ROBO2: variants seen among roughly 807,000 people sequenced by gnomAD.
The protein encoded by ROBO2 is roundabout guidance receptor 2, also known as roundabout homolog 2.
Under a neutral mutation model 160.8 loss-of-function variants are expected in ROBO2, and 53 were observed. The ratio of observed to expected loss-of-function variants is 0.33; its 90% confidence interval spans 0.26 to 0.41. The LOEUF is 0.41. Ranked by LOEUF, ROBO2 falls within the 10% of genes least tolerant of loss-of-function variation. The pLI is 1.00. For missense variants in ROBO2, 1,577 were observed against 1,722.4 expected, an observed-to-expected ratio of 0.92 and a Z score of 1.49; for synonymous variants, 664 against 611.7, an observed-to-expected ratio of 1.09 and a Z score of -1.26.
chr3:76,273,051 T>TATTTATA (rs1707672877), intron 2 of ROBO2, among the ~76,000 whole-genome samples: 1 of 103,026 alleles, frequency 9.7e-6, no homozygotes, highest in African/African-American at 3.8e-5. Context: ...ATATATTATA[T>TATTTATA]AAATATATAA....
intron 2 of ROBO2, among the ~76,000 whole-genome samples, chr3:76,567,764 TG>T (rs1247286091): frequency 1.3e-4 from 4 of 31,072 alleles, no homozygotes; most frequent in Non-Finnish European, 3.4e-4. Flanking sequence ...TATATCTGTC[TG>T]TGTGTGTGTG....
intron 2 of ROBO2, among the ~76,000 whole-genome samples, chr3:76,581,840 A>T (rs1195945736): frequency 6.6e-6 from 1 of 152,216 alleles, no homozygotes; most frequent in Admixed American, 6.5e-5. Flanking sequence ...AAATTTACAA[A>T]GTTTCATGGT....
chr3:76,349,382 T>A (rs566364700), intron 2 of ROBO2, among the ~76,000 whole-genome samples: 1 of 152,164 alleles, frequency 6.6e-6, no homozygotes, highest in African/African-American at 2.4e-5. Flanking sequence ...TTGAAGTACT[T>A]TACATATACT....
chr3:76,948,908 A>ATATATATATATATTTTTTTTTTTT (rs1209284372), intron 2 of ROBO2, among the ~76,000 whole-genome samples: 1 of 24,966 alleles, frequency 4.0e-5, no homozygotes, highest in African/African-American at 1.8e-4. Context: ...ATATATATAT[A>ATATATATATATATTTTTTTTTTTT]TTTTTTTTTT....
chr3:76,986,041 C>T (rs2060361995), intron 2 of ROBO2, among the ~76,000 whole-genome samples: 1 of 152,084 alleles, frequency 6.6e-6, no homozygotes, highest in Non-Finnish European at 1.5e-5. Context: ...TAATCAATAA[C>T]TCTGATAAGC....
chr3:76,764,842 T>G (rs2061489817), intron 2 of ROBO2, among the ~76,000 whole-genome samples: 1 of 151,720 alleles, frequency 6.6e-6, no homozygotes, highest in African/African-American at 2.4e-5. Flanking sequence ...GCAAGACTAT[T>G]TCCAACTCTA....
intron 12 of ROBO2, among the ~76,000 whole-genome samples, chr3:77,566,506 G>C (rs1582990346): frequency 6.6e-6 from 1 of 152,148 alleles, no homozygotes; most frequent in East Asian, 1.9e-4. Context: ...TCAAGAAATT[G>C]TAGTACCGTG....
At chr3:76,221,723 G>T (rs910193002) in intron 2 of ROBO2, among the ~76,000 whole-genome samples, 2 of 152,154 alleles carry the variant, frequency 1.3e-5, no homozygotes, top group African/African-American at 2.4e-5. Flanking sequence ...TGGTAAGACC[G>T]ATGGACTTCA....
At chr3:76,075,596 A>C (rs955506667) in intron 2 of ROBO2, among the ~76,000 whole-genome samples, 1 of 152,150 alleles carries the variant, frequency 6.6e-6, no homozygotes, top group Admixed American at 6.5e-5. Context: ...TACACAATGT[A>C]ATGCCTTTTT....
chr3:76,942,358 C>G (rs2078244379), intron 2 of ROBO2, among the ~76,000 whole-genome samples: 2 of 152,214 alleles, frequency 1.3e-5, no homozygotes, highest in Admixed American at 1.3e-4. Context: ...ACATGCGAAT[C>G]TAACAACCAG....
chr3:76,880,919 T>G (rs192889855), intron 2 of ROBO2, among the ~76,000 whole-genome samples: 1 of 152,328 alleles, frequency 6.6e-6, no homozygotes, highest in African/African-American at 2.4e-5. Flanking sequence ...TTGTTTATTA[T>G]TCAGCCTTTT....
intron 2 of ROBO2, among the ~76,000 whole-genome samples, chr3:76,507,825 C>T (rs1057126050): frequency 6.6e-6 from 1 of 152,104 alleles, no homozygotes; most frequent in African/African-American, 2.4e-5. Context: ...TTCTACCACT[C>T]TTCTCTAGAG....
At chr3:77,348,226 A>G (rs1265755115) in intron 2 of ROBO2, among the ~76,000 whole-genome samples, 5 of 152,130 alleles carry the variant, frequency 3.3e-5, no homozygotes, top group Non-Finnish European at 5.9e-5. Flanking sequence ...CGGCTACTCC[A>G]CAGACAGGGC....
intron 4 of ROBO2, among the ~76,000 whole-genome samples, chr3:77,483,197 C>G (rs567890874): frequency 6.6e-6 from 1 of 151,878 alleles, no homozygotes; most frequent in East Asian, 1.9e-4. Context: ...GTTATAAGTA[C>G]AAGATTAAGT....
intron 2 of ROBO2, among the ~76,000 whole-genome samples, chr3:76,224,000 A>G (rs35255725): frequency 0.16 from 23,945 of 152,164 alleles, 2,316 homozygotes; most frequent in African/African-American, 0.25. Context: ...ACTATCAGTC[A>G]CTGCTTTGCA....
intron 2 of ROBO2, among the ~76,000 whole-genome samples, chr3:77,388,093 T>A (rs1277289319): frequency 6.6e-6 from 1 of 152,038 alleles, no homozygotes; most frequent in Non-Finnish European, 1.5e-5. Flanking sequence ...AGTTATACTC[T>A]CTTAATATCT....
chr3:76,948,900 ATATATATATTTTT>A (rs1262313542), intron 2 of ROBO2, among the ~76,000 whole-genome samples: 861 of 41,758 alleles, frequency 0.021, 25 homozygotes, highest in East Asian at 0.19. Flanking sequence ...ATATATATAT[ATATATATATTTTT>A]TTTTTTTTTT....
At chr3:75,989,850 G>A (rs965891139) in intron 2 of ROBO2, among the ~76,000 whole-genome samples, 1 of 152,206 alleles carries the variant, frequency 6.6e-6, no homozygotes, top group African/African-American at 2.4e-5. Context: ...TTCTGTGATT[G>A]GTGGCGGTTT....
chr3:77,277,192 C>CTT (rs147946565), intron 2 of ROBO2, among the ~76,000 whole-genome samples: 12 of 129,024 alleles, frequency 9.3e-5, no homozygotes, highest in Non-Finnish European at 1.5e-4. Context: ...TTCTTTCTTT[C>CTT]TTTCTTTCTT....
Sources: allele counts gnomAD v4.1 joint callset (sites outside exome capture counted in the v4.1 genomes callset), GRCh38; gene constraint gnomAD v4.1.1; transcripts MANE v1.5; gene names NCBI Gene and HGNC (gene_info 2026-07-23, HGNC 2026-07-21).